The following KCNH7 variants were observed in gnomAD, a reference collection of about 807,000 sequenced individuals.
KCNH7 encodes the protein voltage-gated inwardly rectifying potassium channel KCNH7.
A neutral mutation model predicts 120.8 loss-of-function variants in KCNH7; 49 were observed. The ratio of observed to expected loss-of-function variants is 0.41; its 90% CI spans 0.32 to 0.51. The LOEUF (loss-of-function observed/expected upper bound fraction) is 0.51, where lower values mean the gene tolerates loss of function less well. Among genes scored for constraint, KCNH7 ranks in the 20% least tolerant of loss-of-function variants. The pLI is 0.38. For synonymous variants in KCNH7, 547 were observed against 516.1 expected, an observed-to-expected ratio of 1.06 and a Z score of -0.81; for missense variants, 1,097 against 1,446.6, an observed-to-expected ratio of 0.76 and a Z score of 3.92.
In KCNH7 at chr2:162,783,958, G is replaced by C. The variant is rs529252737; in HGVS notation, c.307+52579C>G. Among the ~76,000 whole-genome samples, 67 of 152,056 alleles carry C rather than the reference G, an allele frequency of 4.4e-4. 1 individual carries two copies. In the South Asian group the frequency reaches 0.013, roughly 30 times the overall value. On this transcript the variant is annotated intron_variant, in intron 2 of 15. Transcript: ENST00000332142. ...TTATAAATGTATTGAGTCCACTCTA[G>C]TTGCAGTTCAAAGAGCTAATTACTA...
intron 6 of KCNH7, among the ~76,000 whole-genome samples, chr2:162,495,284 A>G (rs73020662): frequency 0.093 from 14,152 of 152,146 alleles, 767 homozygotes; most frequent in African/African-American, 0.14. Context: ...TACCTTGTCT[A>G]AAGAGTCCCT....
intron 7 of KCNH7, among the ~76,000 whole-genome samples, chr2:162,443,093 A>G (rs1688476550): frequency 2.6e-5 from 4 of 152,136 alleles, no homozygotes; most frequent in African/African-American, 9.7e-5. Context: ...TGTAGGTTTT[A>G]AGGCTTTATT....
At chr2:162,712,157 C>G (rs1021693344) in intron 2 of KCNH7, among the ~76,000 whole-genome samples, 1 of 152,092 alleles carries the variant, frequency 6.6e-6, no homozygotes, top group African/African-American at 2.4e-5. Flanking sequence ...ATATTTTTAG[C>G]CAGTGAATTC....
chr2:162,736,268 C>T (rs1175343927), intron 2 of KCNH7, among the ~76,000 whole-genome samples: 1 of 152,024 alleles, frequency 6.6e-6, no homozygotes, highest in Non-Finnish European at 1.5e-5. Flanking sequence ...AATCCCATAA[C>T]CAAAATTAAA....
intron 2 of KCNH7, among the ~76,000 whole-genome samples, chr2:162,618,417 C>A (rs1055489369): frequency 6.6e-6 from 1 of 151,962 alleles, no homozygotes; most frequent in Non-Finnish European, 1.5e-5. Context: ...ATTAGAAAAT[C>A]TGCATCTTAA....
At chr2:162,570,956 A>G (rs2105898507) in intron 2 of KCNH7, among the ~76,000 whole-genome samples, 1 of 152,182 alleles carries the variant, frequency 6.6e-6, no homozygotes, top group South Asian at 2.1e-4. Flanking sequence ...ATGGGCAAAA[A>G]CTGGAAGCAT....
chr2:162,592,596 G>GA (rs35753049), intron 2 of KCNH7, among the ~76,000 whole-genome samples: 2 of 152,000 alleles, frequency 1.3e-5, no homozygotes, highest in Non-Finnish European at 2.9e-5. Context: ...AATGCAAGCT[G>GA]AAAAAATTGG....
intron 2 of KCNH7, among the ~76,000 whole-genome samples, chr2:162,732,461 G>A (rs887555159): frequency 2.6e-5 from 4 of 151,926 alleles, no homozygotes; most frequent in South Asian, 2.1e-4. Context: ...GATAAGGAGC[G>A]TTTCACATTT....
chr2:162,817,342 A>G (rs1684951428), intron 2 of KCNH7, among the ~76,000 whole-genome samples: 2 of 152,026 alleles, frequency 1.3e-5, no homozygotes, highest in South Asian at 4.2e-4. Context: ...TGTTTCTGGC[A>G]TTTTTTGCTC....
chr2:162,574,237 A>G (rs991364426), intron 2 of KCNH7, among the ~76,000 whole-genome samples: 1 of 152,066 alleles, frequency 6.6e-6, no homozygotes, highest in Non-Finnish European at 1.5e-5. Flanking sequence ...GTTTAATACA[A>G]TGCAAATGTG....
At chr2:162,741,052 GACTA>G (rs1240546168) in intron 2 of KCNH7, among the ~76,000 whole-genome samples, 5 of 152,042 alleles carry the variant, frequency 3.3e-5, no homozygotes, top group Admixed American at 1.3e-4. Flanking sequence ...CATGATAATT[GACTA>G]ACTGTTATGC....
rs1173254343 is a variant in KCNH7, at chr2:162,539,648, G to A, written c.308-2568C>T. Among the ~76,000 whole-genome samples the A allele has an allele frequency of 5.3e-5, 8 of 152,016 alleles. No homozygotes were observed. The East Asian group carries it at 1.6e-3, about 30-fold the overall frequency. ...TTATAGTGCTTTATATAAAAGTTCA[G>A]CTATCTGCATTGGCTCTAAAGCATA... On this transcript the variant is annotated intron_variant, in intron 2 of 15. Coordinates refer to ENST00000332142, the MANE Select transcript of KCNH7 (RefSeq NM_033272.4).
chr2:162,729,204 C>T (rs969600051), intron 2 of KCNH7, among the ~76,000 whole-genome samples: 2 of 135,470 alleles, frequency 1.5e-5, no homozygotes, highest in Non-Finnish European at 3.1e-5. Flanking sequence ...CTCGCTCTCT[C>T]GCCCAGGCTG....
intron 7 of KCNH7, among the ~76,000 whole-genome samples, chr2:162,439,999 A>C (rs1055345797): frequency 8.6e-5 from 13 of 151,828 alleles, no homozygotes; most frequent in African/African-American, 2.9e-4. Context: ...AATTAGAATA[A>C]GTAACTTCTT....
chr2:162,836,720 T>C lies in KCNH7; in HGVS notation c.124A>G (p.Ile42Val), dbSNP rs759388823. The C allele has an allele frequency of 6.2e-7, 1 of 1,614,078 alleles. No homozygotes were observed. Among genetic ancestry groups the C allele is most frequent in the East Asian group, 2.2e-5 (1 of 44,856 alleles). The change falls in exon 2 of 16, where the codon ATT (isoleucine) becomes GTT (valine). Residue 42 changes from isoleucine to valine, a missense_variant. This residue lies in a region of KCNH7 where 57 missense variants were observed against 116.2 expected (regional missense o/e 0.49). Coordinates refer to ENST00000332142, the MANE Select transcript of KCNH7 (RefSeq NM_033272.4). ...ANARVQNCAI[I>V]YCNDGFCEMT... ...TCACAGAACCCATCGTTGCAATAAA[T>C]GATGGCACAGTTCTGCACTCTGGCA...
chr2:162,426,488 T>A (rs901689918), intron 8 of KCNH7, among the ~76,000 whole-genome samples: 81 of 152,246 alleles, frequency 5.3e-4, no homozygotes, highest in African/African-American at 1.9e-3. Context: ...TTTAGTTTTA[T>A]AAAATAGGGA....
intron 2 of KCNH7, among the ~76,000 whole-genome samples, chr2:162,766,894 C>A (rs1682836811): frequency 6.7e-6 from 1 of 149,558 alleles, no homozygotes; most frequent in African/African-American, 2.6e-5. Context: ...CACACACACA[C>A]ACACACACAC....
chr2:162,420,658 C>T (rs751954201), intron 9 of KCNH7, among the ~76,000 whole-genome samples: 4 of 151,942 alleles, frequency 2.6e-5, no homozygotes, highest in Non-Finnish European at 5.9e-5. Flanking sequence ...TGGTTTTGTT[C>T]GTAAAAATAA....
chr2:162,419,563 A>G (rs1422506184), intron 9 of KCNH7, among the ~76,000 whole-genome samples: 1 of 152,086 alleles, frequency 6.6e-6, no homozygotes, highest in African/African-American at 2.4e-5. Context: ...CTGAATCCCT[A>G]TTCTGCATTT....
Sources: gnomAD v4.1 joint callset for allele counts (sites outside exome capture counted in the v4.1 genomes callset) on GRCh38, gnomAD v4.1.1 for gene constraint, gnomAD v4.1.1 regional missense constraint, MANE v1.5 for transcripts, NCBI Gene and HGNC (gene_info 2026-07-23, HGNC 2026-07-21) for gene names.